RYR2: variants seen among roughly 807,000 people sequenced by gnomAD.
RYR2 encodes the protein ryanodine receptor 2, also known as cardiac muscle ryanodine receptor-calcium release channel.
RYR2 carries 227 observed loss-of-function variants against 601.1 expected under a neutral mutation model. That is an observed-to-expected ratio of 0.38 (90% confidence interval 0.34 to 0.42). The LOEUF is 0.42. Ranked by LOEUF, RYR2 falls within the 10% of genes least tolerant of loss-of-function variation. RYR2 has a pLI of 1.00. For synonymous variants in RYR2, 2,223 were observed against 2,175.1 expected (o/e 1.02, Z -0.61); for missense variants, 4,646 against 6,156.5 (o/e 0.75, Z 8.21).
chr1:237,569,909 T>G (rs1672489266), intron 29 of RYR2, among the ~76,000 whole-genome samples: 2 of 152,122 alleles, frequency 1.3e-5, no homozygotes, highest in Admixed American at 6.5e-5. Flanking sequence ...AGATGGCCTT[T>G]GAGCAGAGTT....
At chr1:237,134,009 C>T (rs1017967032) in intron 1 of RYR2, among the ~76,000 whole-genome samples, 10 of 149,784 alleles carry the variant, frequency 6.7e-5, no homozygotes, top group African/African-American at 2.3e-4. Context: ...TCCACGTTTC[C>T]GTTGGTGGTT....
chr1:237,457,079 A>T (rs543892416), intron 16 of RYR2, among the ~76,000 whole-genome samples: 1 of 152,322 alleles, frequency 6.6e-6, no homozygotes, highest in Non-Finnish European at 1.5e-5. Flanking sequence ...TAGCTAGAGA[A>T]GTAGATTTGC....
At chr1:237,379,652 C>G (rs1244368875) in intron 8 of RYR2, among the ~76,000 whole-genome samples, 1 of 151,942 alleles carries the variant, frequency 6.6e-6, no homozygotes, top group Non-Finnish European at 1.5e-5. Flanking sequence ...TTTTTTGAGA[C>G]AGGATCTTGC....
rs190378802 is a variant in RYR2, at chr1:237,128,810, G to C, written c.48+86241G>C. Among the ~76,000 whole-genome samples, 5 of 152,276 alleles carry C rather than the reference G, an allele frequency of 3.3e-5. No individual in the cohort carries two copies. In the East Asian group the frequency reaches 9.7e-4, roughly 29 times the overall value. The stretch of plus-strand genomic sequence containing the variant: ...GAGGAATGGTAGTAGCTGGCATCAG[G>C]ATGCTAGCAGGAGAGGTGGAGAAAA... On this transcript the variant is annotated intron_variant, in intron 1 of 104. Transcript: ENST00000366574.
At chr1:237,554,449 A>AT (rs1670693262) in intron 27 of RYR2, among the ~76,000 whole-genome samples, 1 of 151,732 alleles carries the variant, frequency 6.6e-6, no homozygotes, top group Admixed American at 6.6e-5. Context: ...ACTGGTATAT[A>AT]TTTTTTTCTT....
intron 97 of RYR2, among the ~76,000 whole-genome samples, 196 bp downstream of exon 97, chr1:237,798,366 T>C (rs960494809): frequency 6.6e-6 from 1 of 152,196 alleles, no homozygotes; most frequent in Non-Finnish European, 1.5e-5. Context: ...TTTTTTTCTA[T>C]TAATTTTTGG....
chr1:237,207,975 A>T (rs2149077151), intron 1 of RYR2, among the ~76,000 whole-genome samples: 2 of 152,286 alleles, frequency 1.3e-5, no homozygotes, highest in Middle Eastern at 6.8e-3. Context: ...TGCTGAAAAG[A>T]GTATAAGGAT....
chr1:237,198,261 A>G (rs536584742), intron 1 of RYR2, among the ~76,000 whole-genome samples: 5 of 152,180 alleles, frequency 3.3e-5, no homozygotes, highest in Non-Finnish European at 5.9e-5. Flanking sequence ...TTACTGCAGG[A>G]CTATTTAGTT....
intron 1 of RYR2, among the ~76,000 whole-genome samples, chr1:237,199,157 G>A (rs1680898770): frequency 1.3e-5 from 2 of 152,200 alleles, no homozygotes; most frequent in Admixed American, 6.5e-5. Flanking sequence ...GCGACATTCT[G>A]TATTAGTCAG....
chr1:237,797,510 C>T (rs1018847584), intron 96 of RYR2, among the ~76,000 whole-genome samples: 3 of 152,296 alleles, frequency 2.0e-5, no homozygotes, highest in East Asian at 1.9e-4. Context: ...TATTGGCATG[C>T]AGAGGTCTAT....
At chr1:237,299,286 T>C (rs909938814) in intron 2 of RYR2, among the ~76,000 whole-genome samples, 1 of 152,150 alleles carries the variant, frequency 6.6e-6, no homozygotes, top group Non-Finnish European at 1.5e-5. Flanking sequence ...GACCAGAGTG[T>C]TTTCACTCTA....
At chr1:237,790,523 C>G (rs1658247712) in intron 92 of RYR2, among the ~76,000 whole-genome samples, 1 of 152,050 alleles carries the variant, frequency 6.6e-6, no homozygotes, top group South Asian at 2.1e-4. Context: ...CCAAGTCCTC[C>G]TGAAATCCTC....
chr1:237,182,890 T>C (rs1218859410), intron 1 of RYR2, among the ~76,000 whole-genome samples: 2 of 152,232 alleles, frequency 1.3e-5, no homozygotes, highest in Non-Finnish European at 2.9e-5. Flanking sequence ...CCATTGAGAC[T>C]CTATCAAGGG....
intron 11 of RYR2, among the ~76,000 whole-genome samples, chr1:237,419,351 T>C (rs1006522289): frequency 1.5e-4 from 23 of 152,188 alleles, no homozygotes; most frequent in African/African-American, 5.5e-4. Context: ...TTTGTTTTTA[T>C]TGTTATCGAT....
chr1:237,200,467 A>G (rs1572180574), intron 1 of RYR2, among the ~76,000 whole-genome samples: 1 of 152,028 alleles, frequency 6.6e-6, no homozygotes, highest in South Asian at 2.1e-4. Context: ...GTTGCACCAT[A>G]TTTGCCAGGC....
chr1:237,599,464 G>T (rs371252133), intron 34 of RYR2, among the ~76,000 whole-genome samples: 3 of 151,294 alleles, frequency 2.0e-5, no homozygotes, highest in African/African-American at 7.2e-5. Context: ...GTATTTCTTT[G>T]CACTAGTAGT....
chr1:237,617,322 G>T lies in RYR2; in HGVS notation c.5752G>T (p.Val1918Phe), dbSNP rs912197043. The T allele has an allele frequency of 5.0e-6, 8 of 1,613,524 alleles. No individual in the cohort carries two copies. The Middle Eastern group carries it at 4.9e-4, about 99-fold the overall frequency. The part of the protein sequence containing the change: ...LLLQYLCDCQ[V>F]RHRIEAIVAF... The stretch of plus-strand genomic sequence containing the variant: ...GCTTCAGTACCTCTGTGACTGCCAG[G>T]TCCGGCACCGGATAGAAGCCATTGT... Residue 1918 changes from valine (V) to phenylalanine (F), a missense_variant, in exon 38 of 105, where the codon GTC (valine) becomes TTC (phenylalanine). Val to Phe is a conservative substitution (Grantham distance 50). Around this residue, in one of 17 missense-constraint regions of RYR2, gnomAD observed 1,807 missense variants for 2,088.1 expected, o/e 0.87. Coordinates refer to ENST00000366574, the MANE Select transcript of RYR2 (RefSeq NM_001035.3).
chr1:237,647,948 T>G (rs1682346865), intron 48 of RYR2, among the ~76,000 whole-genome samples: 1 of 152,214 alleles, frequency 6.6e-6, no homozygotes, highest in Admixed American at 6.5e-5. Flanking sequence ...TAATGAAACA[T>G]ATTTCATATG....
chr1:237,308,125 A>G (rs934162461), intron 2 of RYR2, among the ~76,000 whole-genome samples: 1 of 152,228 alleles, frequency 6.6e-6, no homozygotes, highest in Non-Finnish European at 1.5e-5. Context: ...AAAAATTAAT[A>G]ATGTTTAAAC....
Sources: allele counts gnomAD v4.1 joint callset (sites outside exome capture counted in the v4.1 genomes callset), GRCh38; gene constraint gnomAD v4.1.1; regional missense constraint gnomAD v4.1.1; transcripts MANE v1.5; gene names NCBI Gene and HGNC (gene_info 2026-07-23, HGNC 2026-07-21).